RBMS2: variants seen among roughly 807,000 people sequenced by gnomAD.
RBMS2 encodes RNA-binding motif, single-stranded-interacting protein 2.
RBMS2 carries 38 observed loss-of-function variants against 58.4 expected under a neutral mutation model. That is an observed-to-expected ratio of 0.65 (90% CI 0.50 to 0.85). The LOEUF (loss-of-function observed/expected upper bound fraction) is 0.85. RBMS2 is among the 40% of genes least tolerant of loss of function. The pLI is 0.00. For missense variants in RBMS2, 367 were observed against 503.7 expected, an observed-to-expected ratio of 0.73 and a Z score of 2.60; for synonymous variants, 151 against 180.7, an observed-to-expected ratio of 0.84 and a Z score of 1.32.
chr12:56,542,701 A>G (rs1876359509), intron 1 of RBMS2, among the ~76,000 whole-genome samples: 1 of 151,146 alleles, frequency 6.6e-6, no homozygotes, highest in Non-Finnish European at 1.5e-5. Context: ...GGTGCACACC[A>G]CTATGTTAGG....
chr12:56,581,540 A>G, intron 7 of RBMS2, 32 bp downstream of exon 7: 1 of 1,577,072 alleles, frequency 6.3e-7, no homozygotes, highest in South Asian at 1.1e-5. Context: ...CAGGAGTACT[A>G]ACGACATTAA....
At chr12:56,539,418 G>A (rs1003536449) in intron 1 of RBMS2, among the ~76,000 whole-genome samples, 5 of 152,074 alleles carry the variant, frequency 3.3e-5, no homozygotes, top group African/African-American at 9.7e-5. Flanking sequence ...CTTAAACCCC[G>A]TGCCCTTATG....
At position 56,571,828 on chromosome 12, in the gene RBMS2, G is replaced by C; in HGVS notation, c.515G>C (p.Gly172Ala). The change falls in exon 5 of 14, where the codon GGG becomes GCG. Residue 172 changes from glycine to alanine, a missense_variant. By Grantham distance (60) the Gly-to-Ala change is moderately conservative (BLOSUM62 0). Transcript: ENST00000262031. Reference protein sequence around the residue: ...ISTRILRDTSGTSRGVGFARM... With the variant: ...ISTRILRDTSATSRGVGFARM... Reference sequence around the variant, plus strand: ...ACCCGTATCCTTCGAGATACCAGTGGGACCAGCAGAGGTGTTGGCTTTGCA... The same window carrying C: ...ACCCGTATCCTTCGAGATACCAGTGCGACCAGCAGAGGTGTTGGCTTTGCA... 2 of 1,581,504 alleles carry C rather than the reference G, an allele frequency of 1.3e-6. No individual in the cohort carries two copies. Among genetic ancestry groups the C allele is most frequent in the Admixed American group, 1.8e-5 (1 of 54,674 alleles).
intron 1 of RBMS2, among the ~76,000 whole-genome samples, chr12:56,535,522 C>T (rs946114974): frequency 1.3e-5 from 2 of 149,450 alleles, no homozygotes; most frequent in African/African-American, 4.9e-5. Flanking sequence ...AAATTTATAT[C>T]CAGTCTCATA....
At chr12:56,577,456 AATTATTATTATT>A (rs138810999) in intron 5 of RBMS2, among the ~76,000 whole-genome samples, 25 of 145,728 alleles carry the variant, frequency 1.7e-4, no homozygotes, top group South Asian at 2.2e-4. Flanking sequence ...GTTCATACAA[AATTATTATTATT>A]ATTATTATTA....
At chr12:56,539,625 T>C in intron 1 of RBMS2, 1 of 425,318 alleles carries the variant, frequency 2.4e-6, no homozygotes, top group South Asian at 1.7e-5. Flanking sequence ...TTTCTTAGTT[T>C]TATTTTATAT....
intron 12 of RBMS2, 55 bp downstream of exon 12, chr12:56,588,429 T>G: frequency 6.8e-7 from 1 of 1,473,012 alleles, no homozygotes; most frequent in South Asian, 1.1e-5. Flanking sequence ...CGGAGGCAGG[T>G]TTCCCCCTGA....
At chr12:56,565,191 T>C (rs1881128162) in intron 2 of RBMS2, among the ~76,000 whole-genome samples, 1 of 152,158 alleles carries the variant, frequency 6.6e-6, no homozygotes, top group African/African-American at 2.4e-5. Context: ...AAAAAGTCTG[T>C]ATATGTTCAG....
chr12:56,533,708 G>T (rs548265305), intron 1 of RBMS2, among the ~76,000 whole-genome samples: 35 of 151,882 alleles, frequency 2.3e-4, no homozygotes, highest in Admixed American at 1.6e-3. Context: ...GAGCCACTGC[G>T]CCCAGCAGCC....
At position 56,589,171 on chromosome 12, in the gene RBMS2, T is replaced by G. The variant is rs1033265827; in HGVS notation, c.*38T>G. On this transcript the variant is annotated 3_prime_UTR_variant, in exon 14 of 14. Transcript: ENST00000262031. ...CCTCCCCATCTTTACTGAATAGAAATGAATTCTTGGAGATACTCATGCTCC... is the reference window on the plus strand; with the variant it reads ...CCTCCCCATCTTTACTGAATAGAAAGGAATTCTTGGAGATACTCATGCTCC... The G allele has an allele frequency of 9.1e-6, 14 of 1,539,872 alleles. No individual in the cohort carries two copies. The African/African-American group carries it at 1.5e-4, about 17-fold the overall frequency.
chr12:56,558,589 C>CTTTT (rs1879758160), intron 1 of RBMS2, among the ~76,000 whole-genome samples: 1 of 8,636 alleles, frequency 1.2e-4, no homozygotes, highest in African/African-American at 1.7e-4. Flanking sequence ...TTTTCTTTTT[C>CTTTT]CTTTTTTTTT....
At chr12:56,565,018 A>G (rs1565760645) in intron 2 of RBMS2, among the ~76,000 whole-genome samples, 3 of 152,238 alleles carry the variant, frequency 2.0e-5, no homozygotes, top group East Asian at 1.9e-4. Context: ...TCTCAAAATA[A>G]TAAAAATAAA....
intron 1 of RBMS2, among the ~76,000 whole-genome samples, chr12:56,549,833 T>C (rs1877911403): frequency 6.6e-6 from 1 of 151,528 alleles, no homozygotes. Flanking sequence ...TTCGAGACCA[T>C]CCTGACCAAC....
rs778013795 is a variant in RBMS2, at chr12:56,581,385, TTC to T, written c.623-7_623-6del. ...GGTGGGACTCAGCTGCCCATCTGCC[TTC>T]TCTCTCGGCAGCCCCATCCGATCCC... On this transcript the variant is annotated splice_polypyrimidine_tract_variant and intron_variant, in intron 6 of 13. Coordinates refer to ENST00000262031, the MANE Select transcript of RBMS2 (RefSeq NM_002898.4). 3 of 1,613,742 alleles carry T rather than the reference TTC, an allele frequency of 1.9e-6. No individual in the cohort carries two copies. The South Asian group carries it at 3.3e-5, about 18-fold the overall frequency.
Position 56,578,791 on chromosome 12 carries a change from C to T in RBMS2, c.543-2393C>T, listed in dbSNP as rs1053003584. Among the ~76,000 whole-genome samples, 8 of 151,776 alleles carry T rather than the reference C, an allele frequency of 5.3e-5. No individual in the cohort carries two copies. The South Asian group carries it at 1.0e-3, about 20-fold the overall frequency. On this transcript the variant is annotated intron_variant, in intron 5 of 13. Transcript: ENST00000262031. ...ACCAGCCTGGACAACATGGTGAAAC[C>T]CCATCTCTACTGAAAATACAGCAAT...
intron 1 of RBMS2, among the ~76,000 whole-genome samples, chr12:56,525,409 A>G (rs1316773457): frequency 1.3e-5 from 2 of 151,566 alleles, no homozygotes; most frequent in African/African-American, 4.8e-5. Context: ...TTTAGTAGAG[A>G]CGAGGTTTTG....
intron 1 of RBMS2, among the ~76,000 whole-genome samples, chr12:56,558,561 C>T (rs1280772579): frequency 1.7e-5 from 2 of 117,260 alleles, no homozygotes; most frequent in South Asian, 3.7e-4. Flanking sequence ...CCCTCCCTTC[C>T]TTCCTTCTTT....
chr12:56,533,923 TTTATC>T (rs1874273812), intron 1 of RBMS2, among the ~76,000 whole-genome samples: 1 of 151,782 alleles, frequency 6.6e-6, no homozygotes, highest in South Asian at 2.1e-4. Flanking sequence ...ATAACTATAT[TTTATC>T]TTATTTAATC....
chr12:56,522,899 C>A (rs923940631), intron 1 of RBMS2, among the ~76,000 whole-genome samples: 2 of 152,188 alleles, frequency 1.3e-5, no homozygotes, highest in African/African-American at 4.8e-5. Flanking sequence ...GGAGGAATTT[C>A]ATGCTGTAGC....
Sources: gnomAD v4.1 joint callset for allele counts (sites outside exome capture counted in the v4.1 genomes callset) on GRCh38, gnomAD v4.1.1 for gene constraint, MANE v1.5 for transcripts, NCBI Gene and HGNC (gene_info 2026-07-23, HGNC 2026-07-21) for gene names.